The following SLC4A5 variants were observed in gnomAD, a reference collection of about 807,000 sequenced individuals.
The protein encoded by SLC4A5 is solute carrier family 4 member 5, also known as electrogenic sodium bicarbonate cotransporter 4.
In SLC4A5, 96 loss-of-function variants were observed where a neutral mutation model predicts 120.4. The observed-to-expected ratio is 0.80, with a 90% CI of 0.68 to 0.94. The LOEUF is 0.94. SLC4A5 is among the 40% of genes least tolerant of loss of function. The probability of loss-of-function intolerance (pLI) is 0.00; values close to 1 mark genes in which losing one functional copy is unlikely to be tolerated. For missense variants in SLC4A5, 1,259 were observed against 1,459.5 expected, an observed-to-expected ratio of 0.86 and a Z score of 2.24; for synonymous variants, 550 against 571.1, an observed-to-expected ratio of 0.96 and a Z score of 0.53.
At chr2:74,318,825 C>T (rs1218966227) in intron 5 of SLC4A5, among the ~76,000 whole-genome samples, 1 of 152,020 alleles carries the variant, frequency 6.6e-6, no homozygotes, top group Non-Finnish European at 1.5e-5. Context: ...AATAAAACTA[C>T]CATTTGATTC....
At chr2:74,259,963 C>T (rs538770259) in intron 11 of SLC4A5, among the ~76,000 whole-genome samples, 18 of 152,280 alleles carry the variant, frequency 1.2e-4, no homozygotes, top group African/African-American at 4.1e-4. Context: ...GCACCAGGCC[C>T]GGATAGGAGG....
intron 20 of SLC4A5, 83 bp from the exon 21 acceptor site, chr2:74,239,618 G>C: frequency 1.4e-6 from 2 of 1,390,312 alleles, no homozygotes; most frequent in Non-Finnish European, 2.0e-6. Context: ...TCCCCAGGCA[G>C]CCAGCATACC....
chr2:74,278,478 C>A (rs1176738449), intron 8 of SLC4A5, among the ~76,000 whole-genome samples: 1 of 152,160 alleles, frequency 6.6e-6, no homozygotes, highest in Non-Finnish European at 1.5e-5. Flanking sequence ...CCTGGAATAA[C>A]TGTAAGTTAT....
At chr2:74,220,512 GTTTTCTTTTT>G (rs1012529788) in intron 30 of SLC4A5, among the ~76,000 whole-genome samples, 12 of 151,950 alleles carry the variant, frequency 7.9e-5, no homozygotes, top group African/African-American at 2.9e-4. Context: ...TAGTTTTTCT[GTTTTCTTTTT>G]TTTTCTTTTT....
intron 2 of SLC4A5, among the ~76,000 whole-genome samples, chr2:74,341,097 G>A (rs1049228061): frequency 2.0e-5 from 3 of 152,072 alleles, no homozygotes; most frequent in African/African-American, 7.2e-5. Flanking sequence ...CTGAGGTCAG[G>A]AGTTCGAGAC....
chr2:74,326,559 G>T (rs1038719779), intron 5 of SLC4A5, among the ~76,000 whole-genome samples: 1 of 152,176 alleles, frequency 6.6e-6, no homozygotes, highest in Non-Finnish European at 1.5e-5. Flanking sequence ...AGTGGCTCAC[G>T]CCTGTAATCC....
At chr2:74,312,519 C>T (rs1234580855) in intron 6 of SLC4A5, among the ~76,000 whole-genome samples, 9 of 152,114 alleles carry the variant, frequency 5.9e-5, no homozygotes, top group South Asian at 2.1e-4. Flanking sequence ...TGTGAGCCAT[C>T]GCACCTGGCC....
chr2:74,337,575 G>A (rs1165326551), intron 3 of SLC4A5, among the ~76,000 whole-genome samples: 1 of 152,100 alleles, frequency 6.6e-6, no homozygotes, highest in Non-Finnish European at 1.5e-5. Context: ...GTATTCTAAA[G>A]GATAAAGTTT....
chr2:74,247,478 T>C (rs1442114258), intron 18 of SLC4A5, among the ~76,000 whole-genome samples, 171 bp from the exon 19 acceptor site: 2 of 152,132 alleles, frequency 1.3e-5, no homozygotes, highest in Non-Finnish European at 2.9e-5. Flanking sequence ...TGTCTGATCT[T>C]TGAGATTTCA....
chr2:74,338,571 C>T (rs892371608), intron 3 of SLC4A5, among the ~76,000 whole-genome samples: 1 of 152,174 alleles, frequency 6.6e-6, no homozygotes. Context: ...GTAATCCCAG[C>T]ACTTTGGGAG....
At position 74,261,441 on chromosome 2, in the gene SLC4A5, G is replaced by T. The variant is rs118007106; in HGVS notation, c.811+696C>A. On this transcript the variant is annotated intron_variant, in intron 11 of 30. Transcript: ENST00000394019. ...GCATTGCCCCCAAGTCACTCCTTGG[G>T]CCTGGACAGGGGTACAGCACTGGGC... Among the ~76,000 whole-genome samples, 30 of 152,350 alleles carry T rather than the reference G, an allele frequency of 2.0e-4. No individual in the cohort carries two copies. The East Asian group carries it at 5.8e-3, about 29-fold the overall frequency.
intron 11 of SLC4A5, among the ~76,000 whole-genome samples, chr2:74,260,495 T>C (rs1339838301): frequency 1.3e-5 from 2 of 152,186 alleles, no homozygotes; most frequent in African/African-American, 4.8e-5. Flanking sequence ...TCTTCTGAGC[T>C]GCAGACTCCT....
exon 18 of SLC4A5, chr2:74,248,369 G>C (rs1351144162): frequency 6.2e-7 from 1 of 1,614,144 alleles, no homozygotes; most frequent in Non-Finnish European, 8.5e-7. Context: ...AAGTCGAAGA[G>C]GAGCTTCTCA....
chr2:74,249,123 C>T (rs867050597), intron 17 of SLC4A5, among the ~76,000 whole-genome samples: 2 of 152,142 alleles, frequency 1.3e-5, no homozygotes. Flanking sequence ...TAGGAACCCT[C>T]CTCCCAGTTA....
chr2:74,219,213 G>GTGTT (rs1558861649), intron 30 of SLC4A5, among the ~76,000 whole-genome samples: 2 of 107,768 alleles, frequency 1.9e-5, no homozygotes, highest in Non-Finnish European at 3.7e-5. Context: ...GTGTGTGTGT[G>GTGTT]TGTGTGTTTG....
intron 12 of SLC4A5, 82 bp from the exon 13 acceptor site, chr2:74,256,014 G>T: frequency 6.7e-7 from 1 of 1,489,778 alleles, no homozygotes. Context: ...CTGCTTTGAG[G>T]CCTAACTTGA....
At chr2:74,278,426 T>G (rs1024394505) in intron 8 of SLC4A5, among the ~76,000 whole-genome samples, 2 of 152,214 alleles carry the variant, frequency 1.3e-5, no homozygotes, top group Non-Finnish European at 2.9e-5. Context: ...GTGCTTCCCC[T>G]GTCTGATTGC....
exon 15 of SLC4A5, chr2:74,253,048 G>A (rs749859493): frequency 2.0e-5 from 32 of 1,614,086 alleles, no homozygotes; most frequent in Non-Finnish European, 2.4e-5. Context: ...GAGGAAGGAC[G>A]ATGACCTCAT....
rs1308343671 is a variant in SLC4A5, at chr2:74,262,363, C to CTT, written c.716-133_716-132dup. 5.1e-3 allele frequency: 1,723 copies of CTT among 336,480 alleles called. 4 individuals carry two copies. The highest frequency in any genetic ancestry group is 6.3e-3 in the Non-Finnish European group (1,167 of 186,268). 20.8% of individuals were successfully genotyped at this position (336,480 alleles called of 1,614,324 possible). On this transcript the variant is annotated intron_variant, in intron 10 of 30. Transcript: ENST00000394019. Reference sequence around the variant, plus strand: ...TCTCTTCCCCTTCTGGGAAGAAATTCTTTTTTTTTTTTTTTTTTTAATTTA... The same window carrying CTT: ...TCTCTTCCCCTTCTGGGAAGAAATTCTTTTTTTTTTTTTTTTTTTTTAATTTA...
Sources: allele counts gnomAD v4.1 joint callset (sites outside exome capture counted in the v4.1 genomes callset), GRCh38; gene constraint gnomAD v4.1.1; transcripts MANE v1.5; gene names NCBI Gene and HGNC (gene_info 2026-07-23, HGNC 2026-07-21).